The following C14orf93 variants were observed in gnomAD, a reference collection of about 807,000 sequenced individuals.
The protein encoded by C14orf93 is chromosome 14 open reading frame 93, also known as uncharacterized protein C14orf93.
C14orf93 carries 23 observed loss-of-function variants against 44.0 expected under a neutral mutation model. That is an observed-to-expected ratio of 0.52 (90% CI 0.38 to 0.74). The LOEUF is 0.74. Ranked by LOEUF, C14orf93 falls within the 30% of genes least tolerant of loss-of-function variation. The probability of loss-of-function intolerance (pLI) is 0.00; values close to 1 mark genes in which losing one functional copy is unlikely to be tolerated. For missense variants in C14orf93, 579 were observed against 678.9 expected (o/e 0.85, Z 1.64); for synonymous variants, 253 against 265.7 (o/e 0.95, Z 0.46).
chr14:23,003,343 C>T (rs1176057283), intron 1 of C14orf93, among the ~76,000 whole-genome samples: 1 of 152,216 alleles, frequency 6.6e-6, no homozygotes, highest in African/African-American at 2.4e-5. Context: ...TATAGTCTCT[C>T]ACCTAAACTC....
rs978020592 is a variant in C14orf93, at chr14:22,998,784, C to G, written c.240G>C (p.Leu80=). ...DKAVGLAEAA[L]GLARANNELL... ...ACTCATTGTTGGCCCTGGCAAGACC[C>G]AGAGCAGCTTCAGCCAAACCCACTG... Residue 80 remains leucine (L), a synonymous_variant, in exon 2 of 7, where the codon CTG becomes CTC. Coordinates refer to ENST00000299088, the MANE Select transcript of C14orf93 (RefSeq NM_021944.4). 1.2e-6 allele frequency: 2 copies of G among 1,614,066 alleles called. No homozygotes were observed. The highest frequency in any genetic ancestry group is 1.7e-6 in the Non-Finnish European group (2 of 1,180,048).
chr14:23,009,732 T>C (rs895238779), intron 1 of C14orf93, among the ~76,000 whole-genome samples: 8 of 152,210 alleles, frequency 5.3e-5, no homozygotes, highest in Non-Finnish European at 1.2e-4. Context: ...ATGTTGCCTG[T>C]GGCAGAAATT....
intron 1 of C14orf93, chr14:23,002,743 G>A (rs2046376713): frequency 6.6e-6 from 1 of 152,016 alleles, no homozygotes; most frequent in South Asian, 2.1e-4. Context: ...TTAAGAGGCG[G>A]GGTCTTGCTA....
chr14:22,989,687 AG>A, intron 5 of C14orf93, 54 bp downstream of exon 5: 2 of 1,176,972 alleles, frequency 1.7e-6, no homozygotes, highest in Non-Finnish European at 2.6e-6. Flanking sequence ...AAGAAAGAGG[AG>A]TGGGAGGAGA....
At position 22,987,504 on chromosome 14, in the gene C14orf93, C is replaced by T. The variant is rs139611172; in HGVS notation, c.1328G>A (p.Arg443His). The T allele has an allele frequency of 6.8e-6, 11 of 1,614,056 alleles. No individual in the cohort carries two copies. Among genetic ancestry groups the T allele is most frequent in the Admixed American group, 3.3e-5 (2 of 60,002 alleles). Residue 443 changes from arginine (R) to histidine (H), a missense_variant, in exon 7 of 7, where the codon CGC (arginine) becomes CAC (histidine). Transcript: ENST00000299088. This position sits in a 1 kb window ranked among gnomAD's most constrained non-coding sequence, Gnocchi z 5.6. ...GCGCTGGGCCCGGAAACGGGGAGGGCGGGCCACCCACACACCTGGCTCGTT... is the reference window on the plus strand; with the variant it reads ...GCGCTGGGCCCGGAAACGGGGAGGGTGGGCCACCCACACACCTGGCTCGTT... ...SLNEPGVWVA[R>H]PPRFRAQRLT... is the part of the protein sequence containing the mutation.
intron 5 of C14orf93, among the ~76,000 whole-genome samples, chr14:22,988,486 TTTTA>T (rs944780982): frequency 1.3e-5 from 2 of 152,110 alleles, no homozygotes; most frequent in African/African-American, 4.8e-5. Flanking sequence ...TTAGGATTCT[TTTTA>T]TTTATTTATT....
rs2045257960 is a variant in C14orf93, at chr14:22,986,957, G to T, written c.*258C>A. The T allele has an allele frequency of 2.0e-6, 1 of 496,928 alleles. No homozygotes were observed. The highest frequency in any genetic ancestry group is 3.6e-6 in the Non-Finnish European group (1 of 278,556). The allele number at this position is 496,928 out of a possible 1,614,324, so 30.8% of individuals were successfully genotyped here. On this transcript the variant is annotated 3_prime_UTR_variant, in exon 7 of 7. Transcript: ENST00000299088. ...CATCCTCCTCATTTTCTCATCCCAG[G>T]CTTCTCCGAGATACTGTTTATGCTG...
chr14:23,004,689 C>T (rs919290705), intron 1 of C14orf93, among the ~76,000 whole-genome samples: 4 of 151,958 alleles, frequency 2.6e-5, no homozygotes, highest in Admixed American at 2.0e-4. Flanking sequence ...GAGGCTGAGG[C>T]GGGTAGATCA....
chr14:22,994,908 A>G (rs1026418174), intron 3 of C14orf93, among the ~76,000 whole-genome samples: 2 of 152,116 alleles, frequency 1.3e-5, no homozygotes, highest in Non-Finnish European at 2.9e-5. Flanking sequence ...AGATGTCAGT[A>G]GCATTCTCCT....
intron 1 of C14orf93, chr14:23,005,215 G>T (rs1270891463): frequency 6.6e-6 from 1 of 152,186 alleles, no homozygotes; most frequent in Non-Finnish European, 1.5e-5. Context: ...AAGATAAGGA[G>T]AATTGACAGA....
intron 3 of C14orf93, among the ~76,000 whole-genome samples, chr14:22,994,349 C>G (rs2045842362): frequency 6.6e-6 from 1 of 152,168 alleles, no homozygotes; most frequent in Admixed American, 6.5e-5. Flanking sequence ...CCCATCTCTA[C>G]TAAAATACAA....
chr14:22,988,405 G>A (rs573186371), intron 5 of C14orf93, among the ~76,000 whole-genome samples: 136 of 152,310 alleles, frequency 8.9e-4, no homozygotes, highest in African/African-American at 3.1e-3. Flanking sequence ...GATTACAGGC[G>A]TGAGCAGCCG....
At position 22,986,174 on chromosome 14, in the gene C14orf93, G is replaced by A. The variant is rs1171198857; in HGVS notation, c.*1041C>T. 2.0e-5 allele frequency: 3 copies of A among 152,232 alleles called. No homozygotes were observed. The highest frequency in any genetic ancestry group is 7.2e-5 in the African/African-American group (3 of 41,440). 9.4% of individuals were successfully genotyped at this position (152,232 alleles called of 1,614,324 possible). Reference sequence around the variant, plus strand: ...TTTCCTTCTGGTTAACTCTTCCCCAGTTTAGACATTACACCCTCTCAGAAG... The same window carrying A: ...TTTCCTTCTGGTTAACTCTTCCCCAATTTAGACATTACACCCTCTCAGAAG... On this transcript the variant is annotated 3_prime_UTR_variant, in exon 7 of 7. Coordinates refer to ENST00000299088, the MANE Select transcript of C14orf93 (RefSeq NM_021944.4).
At chr14:23,006,498 A>G (rs1017370734) in intron 1 of C14orf93, 2 of 152,254 alleles carry the variant, frequency 1.3e-5, no homozygotes, top group African/African-American at 4.8e-5. Context: ...TTTTTAGCCC[A>G]GTATAGCACA....
At chr14:23,002,709 C>G (rs2046374785) in intron 1 of C14orf93, 1 of 152,068 alleles carries the variant, frequency 6.6e-6, no homozygotes, top group Non-Finnish European at 1.5e-5. Flanking sequence ...GGACACCCAC[C>G]CTGATTCCTT....
At chr14:23,002,668 T>G (rs1281140755) in intron 1 of C14orf93, 1 of 152,162 alleles carries the variant, frequency 6.6e-6, no homozygotes, top group Non-Finnish European at 1.5e-5. Flanking sequence ...GATATTATGG[T>G]TATTCCTGTA....
chr14:22,991,604 C>T (rs2045634346), intron 3 of C14orf93, among the ~76,000 whole-genome samples: 1 of 151,276 alleles, frequency 6.6e-6, no homozygotes, highest in Non-Finnish European at 1.5e-5. Flanking sequence ...CAGAGTCTCA[C>T]TCTGTTGCCA....
At chr14:23,010,057 AAC>A (rs887804003) in intron 1 of C14orf93, 42 bp downstream of exon 1, 2 of 152,148 alleles carry the variant, frequency 1.3e-5, no homozygotes, top group African/African-American at 4.8e-5. Context: ...AAAATTTGAA[AAC>A]ACACACAAGA....
In C14orf93 at chr14:22,987,603, T is replaced by G; in HGVS notation, c.1229A>C (p.His410Pro). 6.2e-7 allele frequency: 1 copy of G among 1,608,548 alleles called. No homozygotes were observed. The highest frequency in any genetic ancestry group is 8.5e-7 in the Non-Finnish European group (1 of 1,177,000). The change falls in exon 7 of 7, where the codon CAT becomes CCT. Residue 410 changes from histidine (H) to proline (P), a missense_variant. Coordinates refer to ENST00000299088, the MANE Select transcript of C14orf93 (RefSeq NM_021944.4). The surrounding 1 kb of genome is among the most constrained non-coding windows in gnomAD (Gnocchi z 5.6). The part of the protein sequence containing the change: ...LFANRSSIMR[H>P]FGPEDQRLWN... ...CAGACGTTGGTCCTCAGGTCCAAAA[T>G]GCCTCATGATACTGGATCGGTTGGC...
Sources: allele counts gnomAD v4.1 joint callset (sites outside exome capture counted in the v4.1 genomes callset), GRCh38; gene constraint gnomAD v4.1.1; non-coding constraint Gnocchi (gnomAD v3.1); transcripts MANE v1.5; gene names NCBI Gene and HGNC (gene_info 2026-07-23, HGNC 2026-07-21).